TENM4: variants seen among roughly 807,000 people sequenced by gnomAD.
TENM4 encodes the protein teneurin transmembrane protein 4.
In TENM4, 82 loss-of-function variants were observed where a neutral mutation model predicts 243.3. The ratio of observed to expected loss-of-function variants is 0.34; its 90% CI spans 0.28 to 0.40. The LOEUF (loss-of-function observed/expected upper bound fraction) is 0.40, where lower values mean the gene tolerates loss of function less well. Among genes scored for constraint, TENM4 ranks in the 10% least tolerant of loss-of-function variants. TENM4 has a pLI of 1.00. For missense variants in TENM4, 3,138 were observed against 3,673.3 expected (o/e 0.85, Z 3.77); for synonymous variants, 1,412 against 1,456.3 (o/e 0.97, Z 0.69).
chr11:78,881,481 G>T (rs1192206610), intron 9 of TENM4, among the ~76,000 whole-genome samples: 6 of 152,116 alleles, frequency 3.9e-5, no homozygotes, highest in African/African-American at 1.4e-4. Context: ...AGCACTCTCA[G>T]CTGGCTAACT....
At chr11:79,343,750 C>T (rs1857280543) in intron 1 of TENM4, among the ~76,000 whole-genome samples, 1 of 152,176 alleles carries the variant, frequency 6.6e-6, no homozygotes, top group African/African-American at 2.4e-5. Flanking sequence ...GTTACCAGTA[C>T]TAATTAGTTC....
At chr11:79,137,286 A>G (rs956536304) in intron 4 of TENM4, among the ~76,000 whole-genome samples, 16 of 152,278 alleles carry the variant, frequency 1.1e-4, no homozygotes, top group African/African-American at 3.8e-4. Context: ...GGGGTGACTG[A>G]CCTGGATTAT....
intron 1 of TENM4, among the ~76,000 whole-genome samples, chr11:79,374,781 A>G (rs1857857905): frequency 6.6e-6 from 1 of 152,146 alleles, no homozygotes; most frequent in South Asian, 2.1e-4. Context: ...AAATAGTTAT[A>G]GTCTAGAGAA....
chr11:78,954,213 T>C (rs1857163378), intron 6 of TENM4, among the ~76,000 whole-genome samples: 1 of 152,150 alleles, frequency 6.6e-6, no homozygotes, highest in Admixed American at 6.5e-5. Context: ...GGCAGGGGGC[T>C]GCCTGGGGAA....
rs192559051 is a variant in TENM4, at chr11:79,392,394, G to A, written c.-321+48115C>T. ...ATACGCACGTTGTGAATTGCTGATG[G>A]CCTTGGGGCATTGAAGTGACAGGTT... On this transcript the variant is annotated intron_variant, in intron 1 of 33. Coordinates refer to ENST00000278550, the MANE Select transcript of TENM4 (RefSeq NM_001098816.3). 1.6e-4 allele frequency among the ~76,000 whole-genome samples: 25 copies of A among 152,346 alleles called. No individual in the cohort carries two copies. In the South Asian group the frequency reaches 5.2e-3, roughly 32 times the overall value.
At chr11:78,900,426 A>G (rs1229980322) in intron 7 of TENM4, among the ~76,000 whole-genome samples, 1 of 152,194 alleles carries the variant, frequency 6.6e-6, no homozygotes, top group East Asian at 1.9e-4. Flanking sequence ...ACTTCTCTGA[A>G]GTAGAGAAGA....
intron 6 of TENM4, among the ~76,000 whole-genome samples, chr11:78,972,216 G>A (rs1307311462): frequency 6.6e-6 from 1 of 152,144 alleles, no homozygotes; most frequent in Admixed American, 6.5e-5. Context: ...CCTAATGGGA[G>A]GAGCTCAGCA....
chr11:78,899,568 G>GC (rs1408120034), intron 7 of TENM4, among the ~76,000 whole-genome samples: 3 of 129,272 alleles, frequency 2.3e-5, no homozygotes, highest in East Asian at 2.9e-4. Context: ...GCGGGGGGGG[G>GC]GGGAAAAAGA....
chr11:79,435,784 T>G (rs550311844), intron 1 of TENM4, among the ~76,000 whole-genome samples: 1 of 152,018 alleles, frequency 6.6e-6, no homozygotes, highest in Non-Finnish European at 1.5e-5. Context: ...TTAAATTGAG[T>G]CTTTTGCTTG....
intron 1 of TENM4, among the ~76,000 whole-genome samples, chr11:79,346,416 C>A (rs546989403): frequency 1.3e-5 from 2 of 152,046 alleles, no homozygotes; most frequent in East Asian, 3.9e-4. Context: ...TCTGGCACAC[C>A]GTAGGCACTC....
At chr11:78,739,885 C>G (rs1855881866) in intron 19 of TENM4, among the ~76,000 whole-genome samples, 1 of 152,150 alleles carries the variant, frequency 6.6e-6, no homozygotes, top group Non-Finnish European at 1.5e-5. Flanking sequence ...GCCCGAAGCT[C>G]CATAGAAAGC....
chr11:79,211,493 C>T (rs770033717), intron 3 of TENM4, among the ~76,000 whole-genome samples: 4 of 152,204 alleles, frequency 2.6e-5, no homozygotes, highest in Non-Finnish European at 5.9e-5. Context: ...AATGCTACAA[C>T]ATCATTTTCC....
intron 1 of TENM4, among the ~76,000 whole-genome samples, chr11:79,426,787 G>A (rs1049007746): frequency 2.6e-5 from 4 of 152,208 alleles, no homozygotes; most frequent in African/African-American, 7.2e-5. Flanking sequence ...ATGAGTTTCG[G>A]ATGTGTTAGG....
Position 78,738,589 on chromosome 11 carries a change from G to C in TENM4, c.2757-19C>G. 6.2e-7 allele frequency: 1 copy of C among 1,610,994 alleles called. No individual in the cohort carries two copies. The highest frequency in any genetic ancestry group is 8.5e-7 in the Non-Finnish European group (1 of 1,178,546). On this transcript the variant is annotated intron_variant, in intron 19 of 33. Coordinates refer to ENST00000278550, the MANE Select transcript of TENM4 (RefSeq NM_001098816.3). ...AGCATGCCTGTGGGAAGAGAAGAGA[G>C]AATAAACATGATACACCTTTCATGG... is the stretch of plus-strand genomic sequence containing the variant.
At chr11:79,379,866 G>A (rs1433546421) in intron 1 of TENM4, among the ~76,000 whole-genome samples, 2 of 152,174 alleles carry the variant, frequency 1.3e-5, no homozygotes, top group African/African-American at 4.8e-5. Context: ...CTTGAGGAAC[G>A]GGGCTAATGG....
intron 2 of TENM4, among the ~76,000 whole-genome samples, chr11:79,228,169 G>A (rs1864306145): frequency 6.6e-6 from 1 of 152,146 alleles, no homozygotes. Context: ...TAGAAATGAA[G>A]GGACAAAGAC....
chr11:79,163,287 A>G (rs933126214), intron 3 of TENM4, among the ~76,000 whole-genome samples: 1 of 152,134 alleles, frequency 6.6e-6, no homozygotes, highest in South Asian at 2.1e-4. Context: ...AACAATTGTT[A>G]TATTCATAAA....
At position 78,756,033 on chromosome 11, in the gene TENM4, T is replaced by C. The variant is rs1162222011; in HGVS notation, c.2756+772A>G. Among the ~76,000 whole-genome samples the C allele has an allele frequency of 2.6e-5, 4 of 152,258 alleles. No homozygotes were observed. The South Asian group carries it at 6.2e-4, about 24-fold the overall frequency. On this transcript the variant is annotated intron_variant, in intron 19 of 33. Transcript: ENST00000278550. ...CTAGGGTGCAGAGATTAGAGAGCTATTTTGTGTCTCTGGGTCTTTGCATGA... is the reference window on the plus strand; with the variant it reads ...CTAGGGTGCAGAGATTAGAGAGCTACTTTGTGTCTCTGGGTCTTTGCATGA...
At chr11:78,899,559 C>CTG (rs375147197) in intron 7 of TENM4, among the ~76,000 whole-genome samples, 1 of 29,620 alleles carries the variant, frequency 3.4e-5, no homozygotes, top group South Asian at 2.0e-3. Context: ...TCTCAAAAAG[C>CTG]GGGGGGGGGG....
Sources: allele counts gnomAD v4.1 joint callset (sites outside exome capture counted in the v4.1 genomes callset), GRCh38; gene constraint gnomAD v4.1.1; transcripts MANE v1.5; gene names NCBI Gene and HGNC (gene_info 2026-07-23, HGNC 2026-07-21).